Variants in DIXDC1 observed in about 807,000 individuals in gnomAD.
The protein encoded by DIXDC1 is DIX domain containing 1, also known as dixin.
Under a neutral mutation model 103.1 loss-of-function variants are expected in DIXDC1, and 64 were observed. The observed-to-expected ratio is 0.62, with a 90% CI of 0.51 to 0.76. The LOEUF (loss-of-function observed/expected upper bound fraction) is 0.76. DIXDC1 is among the 30% of genes least tolerant of loss of function. The pLI is 0.00. For missense variants in DIXDC1, 759 were observed against 834.2 expected (o/e 0.91, Z 1.11); for synonymous variants, 266 against 298.5 (o/e 0.89, Z 1.12).
At chr11:111,969,037 C>T (rs1555171845) in intron 3 of DIXDC1, among the ~76,000 whole-genome samples, 1 of 151,718 alleles carries the variant, frequency 6.6e-6, no homozygotes, top group Admixed American at 6.6e-5. Flanking sequence ...CCTTGGCCTC[C>T]CAAAGTGCTG....
intron 1 of DIXDC1, among the ~76,000 whole-genome samples, chr11:111,942,324 A>G (rs782173522): frequency 1.3e-5 from 2 of 152,190 alleles, no homozygotes; most frequent in Non-Finnish European, 2.9e-5. Context: ...GGCGGTTCAG[A>G]GGATCTAGGG....
At chr11:111,929,927 C>T in intron 2 of DIXDC1, 2 of 1,535,032 alleles carry the variant, frequency 1.3e-6, no homozygotes, top group Non-Finnish European at 1.7e-6. Flanking sequence ...TTTTGGTGTA[C>T]TATTGTGAAA....
intron 3 of DIXDC1, among the ~76,000 whole-genome samples, chr11:111,971,780 T>C (rs1859944644): frequency 6.8e-6 from 1 of 147,996 alleles, no homozygotes; most frequent in Non-Finnish European, 1.5e-5. Flanking sequence ...CATAGGATAC[T>C]ATGCAGCTAT....
intron 1 of DIXDC1, among the ~76,000 whole-genome samples, chr11:111,938,165 A>G (rs1189521856): frequency 6.6e-6 from 1 of 152,204 alleles, no homozygotes; most frequent in African/African-American, 2.4e-5. Context: ...GCACCGGTCC[A>G]TGTGAGAGCA....
At chr11:111,933,447 T>G (rs1966096114), upstream of DIXDC1, among the ~76,000 whole-genome samples, 1 of 151,966 alleles carries the variant, frequency 6.6e-6, no homozygotes, top group African/African-American at 2.4e-5. Flanking sequence ...TTTCTCTTTT[T>G]TTGAGGCAGT....
At chr11:111,939,496 C>T (rs1452606247) in intron 1 of DIXDC1, among the ~76,000 whole-genome samples, 2 of 152,106 alleles carry the variant, frequency 1.3e-5, no homozygotes, top group East Asian at 3.9e-4. Context: ...GATTTTTCTA[C>T]CCATTCTGTA....
chr11:112,021,717 G>GT lies in DIXDC1; in HGVS notation c.*2682dup, dbSNP rs1489380347. On this transcript the variant is annotated 3_prime_UTR_variant, in exon 20 of 20. Transcript: ENST00000440460. ...AGGCTGAGTGTGGTGGCTCATGCCTGTAATTCCAGCACTTTGGGAGGCCGA... is the reference window on the plus strand; with the variant it reads ...AGGCTGAGTGTGGTGGCTCATGCCTGTTAATTCCAGCACTTTGGGAGGCCGA... 1 of 152,336 alleles carries GT rather than the reference G, an allele frequency of 6.6e-6. No homozygotes were observed. The highest frequency in any genetic ancestry group is 1.5e-5 in the Non-Finnish European group (1 of 68,148). 9.4% of individuals were successfully genotyped at this position (152,336 alleles called of 1,614,324 possible). A position where few individuals can be genotyped will look rare whatever the true frequency, so the allele number is the denominator to read the frequency against.
At chr11:111,975,647 C>G (rs985242347) in intron 5 of DIXDC1, 21 of 985,592 alleles carry the variant, frequency 2.1e-5, no homozygotes, top group Non-Finnish European at 2.5e-5. Flanking sequence ...CTCCCCAGAT[C>G]ATGTTTTTAC....
chr11:111,930,521 ACTTTTTAACTTG>A (rs1965976091), intron 2 of DIXDC1, among the ~76,000 whole-genome samples: 2 of 152,260 alleles, frequency 1.3e-5, no homozygotes, highest in South Asian at 4.1e-4. Context: ...TGCTGCACAA[ACTTTTTAACTTG>A]CTTTGTTTCA....
At chr11:112,008,768 G>GAC (rs1294932933) in intron 17 of DIXDC1, among the ~76,000 whole-genome samples, 2 of 152,168 alleles carry the variant, frequency 1.3e-5, no homozygotes, top group African/African-American at 4.8e-5. Context: ...TGAGAACAAA[G>GAC]ACACAACGTA....
At chr11:111,981,083 T>C (rs1207925956) in intron 6 of DIXDC1, among the ~76,000 whole-genome samples, 1 of 152,234 alleles carries the variant, frequency 6.6e-6, no homozygotes, top group Non-Finnish European at 1.5e-5. Flanking sequence ...GATAGGCCCT[T>C]TCTCAGCTGG....
intron 3 of DIXDC1, among the ~76,000 whole-genome samples, chr11:111,972,925 G>A (rs972439541): frequency 6.6e-6 from 1 of 151,452 alleles, no homozygotes; most frequent in South Asian, 2.1e-4. Flanking sequence ...TGGGCGTGGT[G>A]GTGGGCACCT....
At chr11:111,960,377 C>T (rs782241127) in intron 1 of DIXDC1, among the ~76,000 whole-genome samples, 22 of 150,884 alleles carry the variant, frequency 1.5e-4, no homozygotes. Flanking sequence ...GGGTGGTTCA[C>T]AAAGTCAGGA....
intron 10 of DIXDC1, among the ~76,000 whole-genome samples, chr11:111,990,809 C>A (rs1207652492): frequency 2.0e-5 from 3 of 152,130 alleles, no homozygotes; most frequent in African/African-American, 7.2e-5. Flanking sequence ...CGAGTTCAAG[C>A]AATTCTCCTG....
At chr11:111,996,170 AG>A (rs782384009) in intron 17 of DIXDC1, 24 bp downstream of exon 17, 1 of 1,601,972 alleles carries the variant, frequency 6.2e-7, no homozygotes, top group East Asian at 2.2e-5. Flanking sequence ...TTTGCTCAGT[AG>A]GGACTCCTAG....
At chr11:111,934,505 T>C (rs898792799), upstream of DIXDC1, among the ~76,000 whole-genome samples, 7 of 152,218 alleles carry the variant, frequency 4.6e-5, no homozygotes, top group Admixed American at 3.3e-4. Context: ...GCTACCCAGA[T>C]GGCTTGCAGT....
chr11:112,010,022 CTA>C (rs1861365567), intron 17 of DIXDC1, among the ~76,000 whole-genome samples: 1 of 152,158 alleles, frequency 6.6e-6, no homozygotes, highest in African/African-American at 2.4e-5. Flanking sequence ...GTAAAATTGT[CTA>C]TGTTTGCAGA....
chr11:111,959,868 G>A (rs1238735523), intron 1 of DIXDC1, among the ~76,000 whole-genome samples: 1 of 152,086 alleles, frequency 6.6e-6, no homozygotes, highest in East Asian at 1.9e-4. Context: ...TGATCTATTG[G>A]CCAAAGAAGG....
rs1555171329 is a variant in DIXDC1 at position 111,964,600 on chromosome 11, C to A, written c.112C>A (p.Pro38Thr). The A allele has an allele frequency of 2.5e-6, 4 of 1,611,270 alleles. No homozygotes were observed. Among genetic ancestry groups the A allele is most frequent in the Non-Finnish European group, 3.4e-6 (4 of 1,178,744 alleles). ...AWVNAQLKKR[P>T]AVKPVQDLRQ... ...GGTGAATGCACAGCTGAAGAAGAGGCCAGCAGTGAAGCCTGTGCAGGACCT... is the reference window on the plus strand; with the variant it reads ...GGTGAATGCACAGCTGAAGAAGAGGACAGCAGTGAAGCCTGTGCAGGACCT... The change falls in exon 2 of 20, where the codon CCA (proline) becomes ACA (threonine). Residue 38 changes from proline (P) to threonine (T), a missense_variant. By Grantham distance (38) the Pro-to-Thr change is conservative. Around this residue, in one of 3 missense-constraint regions of DIXDC1, gnomAD observed 97 missense variants for 85.4 expected, o/e 1.14. Coordinates refer to ENST00000440460, the MANE Select transcript of DIXDC1 (RefSeq NM_001037954.4).
Sources: gnomAD v4.1 joint callset for allele counts (sites outside exome capture counted in the v4.1 genomes callset) on GRCh38, gnomAD v4.1.1 for gene constraint, gnomAD v4.1.1 regional missense constraint, MANE v1.5 for transcripts, NCBI Gene and HGNC (gene_info 2026-07-23, HGNC 2026-07-21) for gene names.